Variants in ADAMTS2 observed in about 807,000 individuals in gnomAD.
ADAMTS2 encodes A disintegrin and metalloproteinase with thrombospondin motifs 2.
Under a neutral mutation model 123.0 loss-of-function variants are expected in ADAMTS2, and 50 were observed. The ratio of observed to expected loss-of-function variants is 0.41; its 90% CI spans 0.32 to 0.51. ADAMTS2 has a LOEUF of 0.51. Among genes scored for constraint, ADAMTS2 ranks in the 20% least tolerant of loss-of-function variants. The probability of loss-of-function intolerance (pLI) is 0.35; values close to 1 mark genes in which losing one functional copy is unlikely to be tolerated. For missense variants in ADAMTS2, 1,494 were observed against 1,705.2 expected (o/e 0.88, Z 2.18); for synonymous variants, 678 against 695.4 (o/e 0.98, Z 0.39).
chr5:179,343,393 C>T (rs1757837080), intron 2 of ADAMTS2, among the ~76,000 whole-genome samples: 1 of 152,216 alleles, frequency 6.6e-6, no homozygotes, highest in African/African-American at 2.4e-5. Flanking sequence ...CACCCAGATG[C>T]AGGTACACAC....
chr5:179,343,733 C>T (rs1408502276), intron 2 of ADAMTS2, 34 bp downstream of exon 2: 2 of 1,600,862 alleles, frequency 1.2e-6, no homozygotes, highest in Admixed American at 1.7e-5. Flanking sequence ...GCGAGAGCAG[C>T]GGAGAGAAAG....
chr5:179,336,413 G>T (rs1455971233), intron 2 of ADAMTS2, among the ~76,000 whole-genome samples: 1 of 152,246 alleles, frequency 6.6e-6, no homozygotes, highest in Non-Finnish European at 1.5e-5. Context: ...ACCGAACTCA[G>T]TTCCCGGGAG....
intron 10 of ADAMTS2, 65 bp downstream of exon 10, chr5:179,152,077 C>T (rs1032133669): frequency 1.2e-5 from 18 of 1,461,158 alleles, no homozygotes; most frequent in Non-Finnish European, 1.6e-5. Flanking sequence ...TCCCTGGTGA[C>T]CCGGGCACCT....
chr5:179,199,143 C>T (rs1348912020), intron 4 of ADAMTS2, among the ~76,000 whole-genome samples: 1 of 152,224 alleles, frequency 6.6e-6, no homozygotes, highest in African/African-American at 2.4e-5. Context: ...TGACCAGGGC[C>T]TATCCTCAGA....
intron 4 of ADAMTS2, among the ~76,000 whole-genome samples, chr5:179,201,770 C>G (rs2431435): frequency 0.22 from 33,265 of 151,918 alleles, 3,939 homozygotes; most frequent in Middle Eastern, 0.33. Context: ...CCACTGTACT[C>G]CAGCCTGGGC....
At chr5:179,318,298 C>A (rs1289242688) in intron 2 of ADAMTS2, among the ~76,000 whole-genome samples, 1 of 152,228 alleles carries the variant, frequency 6.6e-6, no homozygotes. Context: ...TAATTAAATG[C>A]GCTGCCGCTG....
chr5:179,330,923 A>G (rs142576488), intron 2 of ADAMTS2, among the ~76,000 whole-genome samples: 15 of 152,312 alleles, frequency 9.8e-5, no homozygotes, highest in African/African-American at 3.4e-4. Context: ...GGAGACATGA[A>G]TTCCCCTTTT....
chr5:179,151,858 G>A (rs1281855502), intron 10 of ADAMTS2, among the ~76,000 whole-genome samples: 13 of 152,192 alleles, frequency 8.5e-5, no homozygotes. Context: ...AAGGCTGCCA[G>A]GACCCCAGAA....
rs748604603 is a variant in ADAMTS2 at position 179,124,513 on chromosome 5, C to T, written c.2958+460G>A. Among the ~76,000 whole-genome samples, 63 of 152,234 alleles carry T rather than the reference C, an allele frequency of 4.1e-4. 1 individual carries two copies. The highest frequency in any genetic ancestry group is 7.5e-4 in the Non-Finnish European group (51 of 68,044). ...TGGGCCTCGGAGCCCGGGCTACCCT[C>T]AGTTTCCTGGGATTCCAGACCCCGT... On this transcript the variant is annotated intron_variant, in intron 19 of 21. Transcript: ENST00000251582.
chr5:179,249,227 C>T (rs575675219), intron 3 of ADAMTS2, among the ~76,000 whole-genome samples: 8 of 151,688 alleles, frequency 5.3e-5, no homozygotes, highest in African/African-American at 1.7e-4. Flanking sequence ...ACACAACATA[C>T]CCAAAACTTA....
Position 179,129,151 on chromosome 5 carries a change from A to G in ADAMTS2, c.2457+781T>C, listed in dbSNP as rs564694095. Among the ~76,000 whole-genome samples, 10 of 152,318 alleles carry G rather than the reference A, an allele frequency of 6.6e-5. No individual in the cohort carries two copies. The East Asian group carries it at 1.9e-3, about 29-fold the overall frequency. ...CGTGAGTGCCGAGGACCAGCTGCTC[A>G]CACACTGATGCAGGCAGGTCACCAA... On this transcript the variant is annotated intron_variant, in intron 16 of 21. Coordinates refer to ENST00000251582, the MANE Select transcript of ADAMTS2 (RefSeq NM_014244.5). The surrounding 1 kb of genome is among the most constrained non-coding windows in gnomAD (Gnocchi z 4.1).
intron 2 of ADAMTS2, among the ~76,000 whole-genome samples, chr5:179,306,003 A>T (rs1756663545): frequency 6.6e-6 from 1 of 152,200 alleles, no homozygotes; most frequent in African/African-American, 2.4e-5. Flanking sequence ...TGCAAAAAAG[A>T]AATTTCCAGG....
intron 3 of ADAMTS2, among the ~76,000 whole-genome samples, chr5:179,244,043 T>C (rs964032688): frequency 6.6e-6 from 1 of 152,150 alleles, no homozygotes; most frequent in Non-Finnish European, 1.5e-5. Flanking sequence ...ATAAAGGGCA[T>C]GAACATATGC....
intron 11 of ADAMTS2, among the ~76,000 whole-genome samples, chr5:179,139,679 C>T (rs867438609): frequency 6.6e-6 from 1 of 152,150 alleles, no homozygotes; most frequent in Non-Finnish European, 1.5e-5. Context: ...CTGTGGGCCC[C>T]GGCCAGGGGA....
intron 3 of ADAMTS2, among the ~76,000 whole-genome samples, chr5:179,248,842 G>T (rs1765858893): frequency 6.6e-6 from 1 of 152,086 alleles, no homozygotes; most frequent in African/African-American, 2.4e-5. Context: ...ACCGGCACAT[G>T]ATCAGTAAGA....
At chr5:179,204,497 G>A (rs938790342) in intron 4 of ADAMTS2, among the ~76,000 whole-genome samples, 5 of 152,232 alleles carry the variant, frequency 3.3e-5, no homozygotes, top group South Asian at 2.1e-4. Context: ...AGGGCGAGAC[G>A]AGCATCTCCC....
At chr5:179,184,593 C>G (rs969024051) in intron 4 of ADAMTS2, among the ~76,000 whole-genome samples, 1 of 152,090 alleles carries the variant, frequency 6.6e-6, no homozygotes, top group African/African-American at 2.4e-5. Flanking sequence ...GTTGACCTCA[C>G]CGTCCACACA....
At position 179,111,030 on chromosome 5, in the gene ADAMTS2, CAT is replaced by C. The variant is rs1311163201; in HGVS notation, c.*2835_*2836del. ...CCTGTCATACAGGAGGGAGTGGAAT[CAT>C]AAACTGCTTCATCTGCTAAGATGTT... is the stretch of plus-strand genomic sequence containing the variant. On this transcript the variant is annotated 3_prime_UTR_variant, in exon 22 of 22. Transcript: ENST00000251582. 6.6e-6 allele frequency: 1 copy of C among 152,180 alleles called. No individual in the cohort carries two copies. The highest frequency in any genetic ancestry group is 1.5e-5 in the Non-Finnish European group (1 of 68,038). The allele number at this position is 152,180 out of a possible 1,614,324, so 9.4% of individuals were successfully genotyped here.
At chr5:179,323,170 G>A (rs535403795) in intron 2 of ADAMTS2, among the ~76,000 whole-genome samples, 81 of 152,366 alleles carry the variant, frequency 5.3e-4, no homozygotes, top group Non-Finnish European at 9.4e-4. Context: ...CCAGTGTCAG[G>A]GAGCAGGTCT....
Sources: allele counts gnomAD v4.1 joint callset (sites outside exome capture counted in the v4.1 genomes callset), GRCh38; gene constraint gnomAD v4.1.1; non-coding constraint Gnocchi (gnomAD v3.1); transcripts MANE v1.5; gene names NCBI Gene and HGNC (gene_info 2026-07-23, HGNC 2026-07-21).